ADTRP: variants seen among roughly 807,000 people sequenced by gnomAD.
The protein encoded by ADTRP is androgen dependent TFPI regulating protein, also known as androgen-dependent TFPI-regulating protein.
Under a neutral mutation model 27.0 loss-of-function variants are expected in ADTRP, and 20 were observed. The observed-to-expected ratio is 0.74, with a 90% CI of 0.52 to 1.08. ADTRP has a LOEUF of 1.08. Among genes scored for constraint, ADTRP ranks in the 50% least tolerant of loss-of-function variants. ADTRP has a pLI of 0.00. For synonymous variants in ADTRP, 101 were observed against 105.2 expected, an observed-to-expected ratio of 0.96 and a Z score of 0.25; for missense variants, 251 against 275.0, an observed-to-expected ratio of 0.91 and a Z score of 0.62.
chr6:11,773,550 G>A (rs573968668), intron 1 of ADTRP, among the ~76,000 whole-genome samples: 2 of 152,344 alleles, frequency 1.3e-5, no homozygotes, highest in African/African-American at 4.8e-5. Context: ...CAACGCCAGG[G>A]AGGGACCTAA....
chr6:11,729,491 C>G (rs553673047), intron 4 of ADTRP, among the ~76,000 whole-genome samples: 83 of 152,240 alleles, frequency 5.5e-4, no homozygotes, highest in African/African-American at 2.0e-3. Context: ...CTCCTTCCCC[C>G]TCCTGTCCCT....
At chr6:11,756,237 G>C (rs1010671102) in intron 3 of ADTRP, among the ~76,000 whole-genome samples, 1 of 152,142 alleles carries the variant, frequency 6.6e-6, no homozygotes, top group East Asian at 1.9e-4. Flanking sequence ...ATGTGCCCAT[G>C]TGCCTGTAAG....
intron 3 of ADTRP, among the ~76,000 whole-genome samples, chr6:11,743,094 G>A (rs1325523083): frequency 2.6e-5 from 4 of 152,204 alleles, no homozygotes; most frequent in Non-Finnish European, 4.4e-5. Flanking sequence ...CTTCTCATGG[G>A]ATGCTCACTC....
At chr6:11,760,790 T>C (rs1288474194) in intron 3 of ADTRP, among the ~76,000 whole-genome samples, 1 of 152,154 alleles carries the variant, frequency 6.6e-6, no homozygotes, top group African/African-American at 2.4e-5. Context: ...TTCACAATCC[T>C]TGCACCTCCC....
chr6:11,718,617 C>T (rs1761911563), intron 5 of ADTRP, among the ~76,000 whole-genome samples: 1 of 152,160 alleles, frequency 6.6e-6, no homozygotes, highest in Non-Finnish European at 1.5e-5. Flanking sequence ...GAGACAGCTT[C>T]CCCCATCTGC....
intron 1 of ADTRP, chr6:11,769,961 C>T: frequency 6.7e-7 from 1 of 1,493,938 alleles, no homozygotes; most frequent in Admixed American, 2.0e-5. Context: ...ATTCTCATAA[C>T]AACCTTACGA....
intron 3 of ADTRP, among the ~76,000 whole-genome samples, chr6:11,761,680 GA>G (rs1264574812): frequency 1.3e-5 from 2 of 152,124 alleles, no homozygotes; most frequent in African/African-American, 4.8e-5. Flanking sequence ...ATCATCTGGG[GA>G]CCTTCTTTTC....
chr6:11,722,192 G>A (rs1762043336), intron 5 of ADTRP, among the ~76,000 whole-genome samples: 1 of 151,998 alleles, frequency 6.6e-6, no homozygotes, highest in African/African-American at 2.4e-5. Flanking sequence ...GTAATTTTTA[G>A]TATTCCATTT....
chr6:11,723,263 G>A (rs762205585), intron 5 of ADTRP, 86 bp downstream of exon 5: 12 of 1,505,966 alleles, frequency 8.0e-6, no homozygotes, highest in East Asian at 2.3e-5. Context: ...TTCTGTTTGC[G>A]GCTAGTTTTT....
chr6:11,777,506 G>A (rs775055249), intron 1 of ADTRP, among the ~76,000 whole-genome samples: 11 of 148,112 alleles, frequency 7.4e-5, no homozygotes, highest in Non-Finnish European at 1.0e-4. Context: ...GTTGTTTACT[G>A]TGGCACTGCT....
At chr6:11,760,026 A>C (rs9394295) in intron 3 of ADTRP, among the ~76,000 whole-genome samples, 114,772 of 152,102 alleles carry the variant, frequency 0.75, 43,436 homozygotes, top group East Asian at 0.95. Flanking sequence ...CTGCTGGTAC[A>C]TGGATTTCCT....
chr6:11,734,787 G>T (rs1324624555), intron 4 of ADTRP, among the ~76,000 whole-genome samples: 1 of 152,150 alleles, frequency 6.6e-6, no homozygotes, highest in East Asian at 1.9e-4. Flanking sequence ...GGGATCGGAG[G>T]GTTGTCCAGA....
intron 1 of ADTRP, chr6:11,770,164 G>C: frequency 6.1e-6 from 8 of 1,311,800 alleles, no homozygotes; most frequent in Non-Finnish European, 8.6e-6. Flanking sequence ...TCAGAAGAGA[G>C]ACAATTATCT....
intron 3 of ADTRP, among the ~76,000 whole-genome samples, chr6:11,761,405 C>G (rs1763386303): frequency 6.6e-6 from 1 of 151,972 alleles, no homozygotes; most frequent in African/African-American, 2.4e-5. Flanking sequence ...TAGAATAGGG[C>G]CTTGTACATA....
chr6:11,750,679 T>C (rs1398484771), intron 3 of ADTRP, among the ~76,000 whole-genome samples: 1 of 152,230 alleles, frequency 6.6e-6, no homozygotes, highest in Non-Finnish European at 1.5e-5. Flanking sequence ...CATTATTACA[T>C]AGCAGCCTGT....
chr6:11,760,474 C>T (rs908275221), intron 3 of ADTRP, among the ~76,000 whole-genome samples: 4 of 152,190 alleles, frequency 2.6e-5, no homozygotes, highest in Non-Finnish European at 4.4e-5. Flanking sequence ...ACCTCCTTCA[C>T]GATCTCCTTT....
intron 5 of ADTRP, chr6:11,717,180 A>G (rs1454813930): frequency 1.0e-6 from 1 of 968,822 alleles, no homozygotes; most frequent in Non-Finnish European, 1.3e-6. Flanking sequence ...ATTGAGAAGC[A>G]TTTTTCCCAG....
chr6:11,778,790 C>G lies in ADTRP; in HGVS notation c.-31G>C. The G allele has an allele frequency of 6.2e-7, 1 of 1,605,490 alleles. No individual in the cohort carries two copies. Among genetic ancestry groups the G allele is most frequent in the Non-Finnish European group, 8.5e-7 (1 of 1,174,236 alleles). On this transcript the variant is annotated 5_prime_UTR_variant, in exon 1 of 6. Transcript: ENST00000414691. Reference sequence around the variant, plus strand: ...GTGCTGACCGGGGCACCGTGAATGTCTTGAGTACTTTCTGGCGTCCTTCTG... The same window carrying G: ...GTGCTGACCGGGGCACCGTGAATGTGTTGAGTACTTTCTGGCGTCCTTCTG...
intron 3 of ADTRP, among the ~76,000 whole-genome samples, chr6:11,743,072 G>A (rs1378129601): frequency 6.6e-6 from 1 of 152,202 alleles, no homozygotes; most frequent in Non-Finnish European, 1.5e-5. Context: ...GCAAGGCTGT[G>A]GCCCGTCCTG....
Sources: gnomAD v4.1 joint callset for allele counts (sites outside exome capture counted in the v4.1 genomes callset) on GRCh38, gnomAD v4.1.1 for gene constraint, MANE v1.5 for transcripts, NCBI Gene and HGNC (gene_info 2026-07-23, HGNC 2026-07-21) for gene names.